EPG5: variants seen among roughly 807,000 people sequenced by gnomAD.
EPG5 encodes the protein ectopic P granules protein 5 homolog.
A neutral mutation model predicts 302.7 loss-of-function variants in EPG5; 159 were observed. That is an observed-to-expected ratio of 0.53 (90% confidence interval 0.46 to 0.60). EPG5 has a LOEUF of 0.60. Among genes scored for constraint, EPG5 ranks in the 20% least tolerant of loss-of-function variants. EPG5 has a pLI of 0.00. For synonymous variants in EPG5, 1,158 were observed against 1,136.8 expected, an observed-to-expected ratio of 1.02 and a Z score of -0.37; for missense variants, 2,896 against 3,092.4, an observed-to-expected ratio of 0.94 and a Z score of 1.51.
At position 45,882,173 on chromosome 18, in the gene EPG5, G is replaced by C. The variant is rs930902251; in HGVS notation, c.5518+101C>G. On this transcript the variant is annotated intron_variant, in intron 31 of 43. Transcript: ENST00000282041. The stretch of plus-strand genomic sequence containing the variant: ...ATTAGTGATTCTAAACTCCTATACT[G>C]GTATTACTTTCATATCTTTGAATAA... 2.9e-6 allele frequency: 3 copies of C among 1,035,964 alleles called. No individual in the cohort carries two copies. The African/African-American group carries it at 4.8e-5, about 17-fold the overall frequency. The allele number at this position is 1,035,964 out of a possible 1,614,324, so 64.2% of individuals were successfully genotyped here.
intron 42 of EPG5, among the ~76,000 whole-genome samples, chr18:45,856,275 T>A (rs2048514003): frequency 6.6e-6 from 1 of 152,160 alleles, no homozygotes; most frequent in South Asian, 2.1e-4. Flanking sequence ...TTATGTTAAG[T>A]GAAAAAAGTC....
the EPG5 span, among the ~76,000 whole-genome samples, chr18:45,802,328 C>G: frequency 2.6e-5 from 4 of 152,168 alleles, no homozygotes; most frequent in Non-Finnish European, 5.9e-5. Flanking sequence ...CAAGACCAGC[C>G]TGGCCAACAT....
At chr18:45,932,922 C>A (rs574801381) in intron 11 of EPG5, among the ~76,000 whole-genome samples, 1 of 152,266 alleles carries the variant, frequency 6.6e-6, no homozygotes, top group East Asian at 1.9e-4. Context: ...GGAATCACAT[C>A]CACTACAGAG....
At chr18:45,929,868 G>C (rs989061577) in intron 12 of EPG5, among the ~76,000 whole-genome samples, 1 of 152,112 alleles carries the variant, frequency 6.6e-6, no homozygotes, top group African/African-American at 2.4e-5. Flanking sequence ...AGAACATCCA[G>C]GTTTGTCATT....
At chr18:45,916,680 TC>T in intron 17 of EPG5, 98 bp from the exon 18 acceptor site, 1 of 1,310,430 alleles carries the variant, frequency 7.6e-7, no homozygotes, top group Non-Finnish European at 1.0e-6. Context: ...CCTAAATTGG[TC>T]CCATTTTTCG....
At chr18:45,867,084 G>T in intron 37 of EPG5, 77 bp from the exon 38 acceptor site, 1 of 986,108 alleles carries the variant, frequency 1.0e-6, no homozygotes, top group Non-Finnish European at 1.6e-6. Flanking sequence ...CTAGTCTGTG[G>T]AATAACTACT....
At chr18:45,836,497 C>T in the EPG5 span, among the ~76,000 whole-genome samples, 1 of 152,166 alleles carries the variant, frequency 6.6e-6, no homozygotes, top group Non-Finnish European at 1.5e-5. Context: ...CCCCTCTCCC[C>T]CAAAGCAGCA....
At chr18:45,917,633 C>G (rs1209845190) in intron 17 of EPG5, 46 bp downstream of exon 17, 1 of 1,606,632 alleles carries the variant, frequency 6.2e-7, no homozygotes, top group East Asian at 2.2e-5. Flanking sequence ...TTTGTACTTG[C>G]TGGACTGTTT....
intron 36 of EPG5, among the ~76,000 whole-genome samples, chr18:45,870,282 G>A (rs1317386012): frequency 2.0e-5 from 3 of 151,988 alleles, no homozygotes; most frequent in East Asian, 3.8e-4. Flanking sequence ...TAAGCATAAC[G>A]GAGGCATTAA....
At chr18:45,892,374 T>C (rs2049371658) in intron 27 of EPG5, among the ~76,000 whole-genome samples, 1 of 152,236 alleles carries the variant, frequency 6.6e-6, no homozygotes, top group Admixed American at 6.5e-5. Flanking sequence ...CAAAGTAGCA[T>C]GGTGGAAGCC....
At chr18:45,951,764 C>A (rs1241297141) in intron 3 of EPG5, among the ~76,000 whole-genome samples, 1 of 152,070 alleles carries the variant, frequency 6.6e-6, no homozygotes, top group Non-Finnish European at 1.5e-5. Context: ...CGGCCATAAT[C>A]CACTATTTTT....
chr18:45,889,691 A>C, intron 28 of EPG5, 107 bp downstream of exon 28: 1 of 1,016,790 alleles, frequency 9.8e-7, no homozygotes, highest in Non-Finnish European at 1.4e-6. Flanking sequence ...TGTCTGTACT[A>C]AATTAACCTG....
chr18:45,820,497 A>G, the EPG5 span, among the ~76,000 whole-genome samples: 1 of 152,274 alleles, frequency 6.6e-6, no homozygotes, highest in South Asian at 2.1e-4. Context: ...TGGAGTTGGC[A>G]GGTGCTGAGG....
intron 39 of EPG5, among the ~76,000 whole-genome samples, chr18:45,862,536 C>T (rs1474449180): frequency 1.3e-5 from 2 of 152,136 alleles, no homozygotes; most frequent in Admixed American, 6.5e-5. Flanking sequence ...TGGTTTAGCA[C>T]CATCCTCTTG....
At chr18:45,865,820 T>C in intron 38 of EPG5, 61 bp from the exon 39 acceptor site, 7 of 1,543,936 alleles carry the variant, frequency 4.5e-6, no homozygotes, top group Middle Eastern at 1.8e-4. Context: ...GTTAACTGCA[T>C]ATTTCCTGGG....
Position 45,954,327 on chromosome 18 carries a change from C to T in EPG5, c.1008+67G>A, listed in dbSNP as rs62095415. 3.5e-3 allele frequency: 4,989 copies of T among 1,435,720 alleles called. 33 individuals carry two copies. Among genetic ancestry groups the T allele is most frequent in the South Asian group, 0.018 (1,346 of 75,004 alleles). 88.9% of individuals were successfully genotyped at this position (1,435,720 alleles called of 1,614,324 possible). A position where few individuals can be genotyped will look rare whatever the true frequency, so the allele number is the denominator to read the frequency against. On this transcript the variant is annotated intron_variant, in intron 2 of 43. Coordinates refer to ENST00000282041, the MANE Select transcript of EPG5 (RefSeq NM_020964.3). ...CAGAGTGGGTGTAAGGCACAGACTC[C>T]AGACCTGGACAACATCCCAGGAATA...
chr18:45,949,620 T>G (rs2050860381), intron 4 of EPG5, 29 bp from the exon 5 acceptor site: 2 of 1,427,260 alleles, frequency 1.4e-6, no homozygotes, highest in South Asian at 2.4e-5. Context: ...ATGATCTCAC[T>G]ATTTTTAATA....
chr18:45,847,981 G>A lies in EPG5; in HGVS notation c.*4486C>T, dbSNP rs941266795. On this transcript the variant is annotated 3_prime_UTR_variant, in exon 44 of 44. Coordinates refer to ENST00000282041, the MANE Select transcript of EPG5 (RefSeq NM_020964.3). ...ATTTCATTATCCCAAAAGAGGATCA[G>A]TAGTATAATTATTTTTTTTTCAAGT... 6.9e-6 allele frequency: 1 copy of A among 145,478 alleles called. No individual in the cohort carries two copies. The highest frequency in any genetic ancestry group is 1.5e-5 in the Non-Finnish European group (1 of 67,656). 9.0% of individuals were successfully genotyped at this position (145,478 alleles called of 1,614,324 possible).
intron 12 of EPG5, among the ~76,000 whole-genome samples, chr18:45,929,307 C>T (rs908816033): frequency 5.3e-5 from 8 of 152,158 alleles, no homozygotes; most frequent in African/African-American, 1.4e-4. Context: ...AGTTTCAAAA[C>T]TTTTCTAAAT....
Sources: allele counts gnomAD v4.1 joint callset (sites outside exome capture counted in the v4.1 genomes callset), GRCh38; gene constraint gnomAD v4.1.1; transcripts MANE v1.5; gene names NCBI Gene and HGNC (gene_info 2026-07-23, HGNC 2026-07-21).